Variants in KHDRBS3 observed in about 807,000 individuals in gnomAD.
KHDRBS3 encodes the protein KH RNA binding domain containing, signal transduction associated 3.
KHDRBS3 carries 23 observed loss-of-function variants against 45.6 expected under a neutral mutation model. The ratio of observed to expected loss-of-function variants is 0.50; its 90% CI spans 0.36 to 0.72. The LOEUF (loss-of-function observed/expected upper bound fraction) is 0.72. KHDRBS3 is among the 30% of genes least tolerant of loss of function. The probability of loss-of-function intolerance (pLI) is 0.00; values close to 1 mark genes in which losing one functional copy is unlikely to be tolerated. For missense variants in KHDRBS3, 352 were observed against 424.8 expected, an observed-to-expected ratio of 0.83 and a Z score of 1.51; for synonymous variants, 162 against 156.5, an observed-to-expected ratio of 1.04 and a Z score of -0.26.
chr8:135,483,179 A>G (rs1822672640), intron 1 of KHDRBS3, among the ~76,000 whole-genome samples: 1 of 152,258 alleles, frequency 6.6e-6, no homozygotes, highest in Admixed American at 6.5e-5. Flanking sequence ...TATTAATTAA[A>G]TACTCTTTGC....
intron 7 of KHDRBS3, among the ~76,000 whole-genome samples, chr8:135,612,656 G>T (rs376260896): frequency 5.3e-5 from 8 of 151,850 alleles, no homozygotes; most frequent in African/African-American, 1.9e-4. Flanking sequence ...TTATAGTTCA[G>T]TATTAGTGAA....
At chr8:135,638,742 G>A (rs907397843) in intron 7 of KHDRBS3, among the ~76,000 whole-genome samples, 1 of 152,168 alleles carries the variant, frequency 6.6e-6, no homozygotes, top group African/African-American at 2.4e-5. Flanking sequence ...GAGGTCAGGA[G>A]ATTGAGACCA....
intron 1 of KHDRBS3, among the ~76,000 whole-genome samples, chr8:135,481,283 T>G (rs1822565696): frequency 6.7e-6 from 1 of 148,490 alleles, no homozygotes; most frequent in African/African-American, 2.5e-5. Context: ...CTTTTTTTTT[T>G]TTTTAATCAC....
At chr8:135,613,705 T>G (rs1387775737) in intron 7 of KHDRBS3, among the ~76,000 whole-genome samples, 5 of 151,698 alleles carry the variant, frequency 3.3e-5, no homozygotes, top group Admixed American at 6.6e-5. Flanking sequence ...TGCAAAGGGC[T>G]TCTTTCCTGT....
Position 135,545,994 on chromosome 8 carries a change from C to T in KHDRBS3, c.325-2760C>T, listed in dbSNP as rs1220545934. 5.9e-5 allele frequency among the ~76,000 whole-genome samples: 9 copies of T among 152,002 alleles called. No homozygotes were observed. The South Asian group carries it at 1.2e-3, about 21-fold the overall frequency. ...CTATACTAAAAATATAAAAATTAGC[C>T]GGGCATGGTGGTGCACGTCTGTAAT... is the stretch of plus-strand genomic sequence containing the variant. On this transcript the variant is annotated intron_variant, in intron 3 of 8. Transcript: ENST00000355849.
At chr8:135,465,859 G>GGGC (rs1821670881) in intron 1 of KHDRBS3, among the ~76,000 whole-genome samples, 1 of 152,172 alleles carries the variant, frequency 6.6e-6, no homozygotes, top group Non-Finnish European at 1.5e-5. Flanking sequence ...GAGTATGTGA[G>GGGC]GGCACCCTTT....
At chr8:135,468,630 G>T (rs1392444640) in intron 1 of KHDRBS3, among the ~76,000 whole-genome samples, 1 of 152,194 alleles carries the variant, frequency 6.6e-6, no homozygotes, top group Non-Finnish European at 1.5e-5. Context: ...ATAGAAACAG[G>T]CAGTGTGCCA....
At chr8:135,495,590 C>T (rs1196120591) in intron 1 of KHDRBS3, among the ~76,000 whole-genome samples, 8 of 152,226 alleles carry the variant, frequency 5.3e-5, no homozygotes, top group Non-Finnish European at 8.8e-5. Flanking sequence ...ACTCCCACTT[C>T]ACCCTAGTGT....
chr8:135,487,032 C>A (rs1237796902), intron 1 of KHDRBS3, among the ~76,000 whole-genome samples: 2 of 152,062 alleles, frequency 1.3e-5, no homozygotes, highest in Non-Finnish European at 2.9e-5. Flanking sequence ...AATTTTCTTC[C>A]TTTATTCTTT....
chr8:135,621,713 A>C (rs1830149343), intron 7 of KHDRBS3, among the ~76,000 whole-genome samples: 1 of 152,078 alleles, frequency 6.6e-6, no homozygotes, highest in African/African-American at 2.4e-5. Context: ...ACAAAAAAAA[A>C]AAAAACGTGC....
At chr8:135,652,381 G>C (rs1159811646), downstream of KHDRBS3, among the ~76,000 whole-genome samples, 1 of 152,198 alleles carries the variant, frequency 6.6e-6, no homozygotes, top group Non-Finnish European at 1.5e-5. Flanking sequence ...AATGTGATGA[G>C]TCCTTCGGTG....
At chr8:135,537,575 C>T (rs1357719790) in intron 2 of KHDRBS3, among the ~76,000 whole-genome samples, 1 of 152,146 alleles carries the variant, frequency 6.6e-6, no homozygotes, top group African/African-American at 2.4e-5. Flanking sequence ...TGAAAACCAA[C>T]TCAGGGTATG....
rs375536861 is a variant in KHDRBS3, at chr8:135,585,036, A to AC, written c.807+2964dup. Among the ~76,000 whole-genome samples the AC allele has an allele frequency of 9.5e-3, 1,431 of 150,780 alleles. 17 individuals carry two copies. The highest frequency in any genetic ancestry group is 0.033 in the African/African-American group (1,347 of 41,328). On this transcript the variant is annotated intron_variant, in intron 6 of 8. Transcript: ENST00000355849. ...CAGGAGTTCAAGACCAGCCTGGCCA[A>AC]CATGGTGAAACCTCATCTCTACCAA... is the stretch of plus-strand genomic sequence containing the variant.
At chr8:135,491,972 C>T (rs868639721) in intron 1 of KHDRBS3, among the ~76,000 whole-genome samples, 3 of 150,132 alleles carry the variant, frequency 2.0e-5, no homozygotes, top group African/African-American at 7.4e-5. Context: ...TAAGAATGTT[C>T]CTTGATGGAG....
intron 3 of KHDRBS3, among the ~76,000 whole-genome samples, chr8:135,547,310 G>T (rs1360170852): frequency 6.6e-6 from 1 of 151,988 alleles, no homozygotes; most frequent in Non-Finnish European, 1.5e-5. Flanking sequence ...AGCATGTATT[G>T]GTGCCTATTA....
chr8:135,595,582 T>A (rs928716572), intron 6 of KHDRBS3, among the ~76,000 whole-genome samples: 1 of 152,204 alleles, frequency 6.6e-6, no homozygotes, highest in African/African-American at 2.4e-5. Context: ...AAAACTCTGA[T>A]AGCTTGTTCT....
At chr8:135,611,118 T>C (rs1253438024) in intron 7 of KHDRBS3, among the ~76,000 whole-genome samples, 1 of 151,908 alleles carries the variant, frequency 6.6e-6, no homozygotes, top group Non-Finnish European at 1.5e-5. Flanking sequence ...GTCTACCTTC[T>C]TTGAAGTGAT....
intron 7 of KHDRBS3, among the ~76,000 whole-genome samples, chr8:135,643,082 C>G (rs757684555): frequency 6.6e-6 from 1 of 152,054 alleles, no homozygotes; most frequent in Non-Finnish European, 1.5e-5. Flanking sequence ...CATGAGCCAC[C>G]GCGCCTGGCC....
chr8:135,611,030 A>G (rs1829686477), intron 7 of KHDRBS3, among the ~76,000 whole-genome samples: 1 of 151,996 alleles, frequency 6.6e-6, no homozygotes, highest in Non-Finnish European at 1.5e-5. Context: ...ACTAATTAAG[A>G]TACTGTTATG....
Sources: gnomAD v4.1 joint callset for allele counts (sites outside exome capture counted in the v4.1 genomes callset) on GRCh38, gnomAD v4.1.1 for gene constraint, MANE v1.5 for transcripts, NCBI Gene and HGNC (gene_info 2026-07-23, HGNC 2026-07-21) for gene names.